The following NBAS variants were observed in gnomAD, a reference collection of about 807,000 sequenced individuals.
NBAS encodes NBAS subunit of NRZ tethering complex, also known as NAG/BC035112 fusion.
NBAS carries 219 observed loss-of-function variants against 302.5 expected under a neutral mutation model. That is an observed-to-expected ratio of 0.72 (90% CI 0.65 to 0.81). The LOEUF (loss-of-function observed/expected upper bound fraction) is 0.81. NBAS is among the 30% of genes least tolerant of loss of function. The pLI is 0.00. For missense variants in NBAS, 2,932 were observed against 2,841.6 expected, an observed-to-expected ratio of 1.03 and a Z score of -0.72; for synonymous variants, 1,118 against 1,021.6, an observed-to-expected ratio of 1.09 and a Z score of -1.80.
At chr2:14,919,840 T>A in the NBAS span, among the ~76,000 whole-genome samples, 1 of 152,200 alleles carries the variant, frequency 6.6e-6, no homozygotes, top group East Asian at 1.9e-4. Context: ...TTCTTGTTAT[T>A]TCTACCATAT....
chr2:15,289,983 G>A (rs560358583), intron 41 of NBAS, among the ~76,000 whole-genome samples: 42 of 151,294 alleles, frequency 2.8e-4, no homozygotes, highest in South Asian at 8.4e-4. Context: ...GCGCCAGAGC[G>A]AGACTCCATC....
At chr2:15,455,416 TAAG>T (rs941551488) in intron 21 of NBAS, among the ~76,000 whole-genome samples, 1 of 152,094 alleles carries the variant, frequency 6.6e-6, no homozygotes, top group Non-Finnish European at 1.5e-5. Context: ...TATGGTTATA[TAAG>T]AAGAAGAAAA....
chr2:15,406,269 T>C (rs1173282055), intron 25 of NBAS, among the ~76,000 whole-genome samples: 1 of 152,110 alleles, frequency 6.6e-6, no homozygotes, highest in Admixed American at 6.6e-5. Flanking sequence ...TAAACCCATG[T>C]ACAGATGGAA....
chr2:15,295,873 T>C (rs1670526786), intron 40 of NBAS, among the ~76,000 whole-genome samples: 1 of 152,048 alleles, frequency 6.6e-6, no homozygotes, highest in Admixed American at 6.6e-5. Context: ...CCTATCTATT[T>C]CCTCACTTAT....
chr2:14,788,522 T>C, the NBAS span, among the ~76,000 whole-genome samples: 10 of 152,258 alleles, frequency 6.6e-5, no homozygotes, highest in East Asian at 1.9e-3. Context: ...TTTCTGTTTG[T>C]TAGTTTTCCT....
chr2:15,443,454 C>T (rs542553992), intron 21 of NBAS, among the ~76,000 whole-genome samples: 1 of 151,928 alleles, frequency 6.6e-6, no homozygotes, highest in African/African-American at 2.4e-5. Context: ...ATTCAACAAC[C>T]CTTCATGCTA....
intron 47 of NBAS, among the ~76,000 whole-genome samples, chr2:15,223,588 T>C (rs951643043): frequency 2.6e-5 from 4 of 152,060 alleles, no homozygotes; most frequent in Admixed American, 1.3e-4. Context: ...AAATACACTT[T>C]GGGAGGCTGA....
the NBAS span, among the ~76,000 whole-genome samples, chr2:15,102,628 A>C: frequency 2.0e-5 from 3 of 152,150 alleles, no homozygotes; most frequent in African/African-American, 7.2e-5. Flanking sequence ...GATTAAGACA[A>C]AGAGAATCTG....
chr2:15,426,964 A>T (rs1171109478), intron 22 of NBAS, among the ~76,000 whole-genome samples: 1 of 152,160 alleles, frequency 6.6e-6, no homozygotes, highest in Non-Finnish European at 1.5e-5. Context: ...CTTGGGGAAT[A>T]TGCCTGCATC....
At chr2:14,898,269 G>C in the NBAS span, among the ~76,000 whole-genome samples, 11 of 152,128 alleles carry the variant, frequency 7.2e-5, no homozygotes, top group Non-Finnish European at 1.2e-4. Context: ...TCCTTGAAAA[G>C]GTGAAAAATA....
At chr2:15,352,851 T>C (rs1399554975) in intron 34 of NBAS, among the ~76,000 whole-genome samples, 3 of 152,070 alleles carry the variant, frequency 2.0e-5, no homozygotes, top group Admixed American at 1.3e-4. Context: ...TTTTTTTCTA[T>C]CTATAGGGAA....
chr2:15,455,911 T>C (rs1322229054), intron 21 of NBAS, among the ~76,000 whole-genome samples: 2 of 152,202 alleles, frequency 1.3e-5, no homozygotes. Flanking sequence ...CTTTCTGAAA[T>C]ATGCTATAGG....
At chr2:14,967,649 AG>A in the NBAS span, among the ~76,000 whole-genome samples, 1 of 152,220 alleles carries the variant, frequency 6.6e-6, no homozygotes, top group Non-Finnish European at 1.5e-5. Context: ...GCCTTGGGTT[AG>A]GGAAAGGTCT....
the NBAS span, among the ~76,000 whole-genome samples, chr2:15,095,118 G>A: frequency 1.3e-5 from 2 of 152,094 alleles, no homozygotes; most frequent in Non-Finnish European, 2.9e-5. Context: ...ATGCATAGGA[G>A]GTGGCCCTGC....
the NBAS span, among the ~76,000 whole-genome samples, chr2:14,953,229 G>A: frequency 6.6e-6 from 1 of 152,162 alleles, no homozygotes; most frequent in African/African-American, 2.4e-5. Context: ...TGGAGGGAGA[G>A]ACAGAGCACC....
At chr2:15,472,911 CA>C (rs2148583033) in intron 16 of NBAS, among the ~76,000 whole-genome samples, 1 of 152,300 alleles carries the variant, frequency 6.6e-6, no homozygotes, top group South Asian at 2.1e-4. Flanking sequence ...TGATTTCTGG[CA>C]TCTGACTAGC....
At chr2:15,435,136 T>C (rs1321356138) in intron 21 of NBAS, among the ~76,000 whole-genome samples, 1 of 152,240 alleles carries the variant, frequency 6.6e-6, no homozygotes, top group Non-Finnish European at 1.5e-5. Flanking sequence ...ATTGTATCAG[T>C]GTTCATTATA....
the NBAS span, among the ~76,000 whole-genome samples, chr2:15,010,293 T>TA: frequency 6.6e-6 from 1 of 152,058 alleles, no homozygotes; most frequent in Admixed American, 6.5e-5. Context: ...TTCTACAGCC[T>TA]AAAAAAATTA....
intron 1 of NBAS, among the ~76,000 whole-genome samples, chr2:15,560,019 G>A (rs932381005): frequency 2.6e-5 from 4 of 152,150 alleles, no homozygotes; most frequent in Non-Finnish European, 5.9e-5. Flanking sequence ...ACAAACTGCA[G>A]TGGGAAGGAG....
Sources: allele counts gnomAD v4.1 joint callset (sites outside exome capture counted in the v4.1 genomes callset), GRCh38; gene constraint gnomAD v4.1.1; transcripts MANE v1.5; gene names NCBI Gene and HGNC (gene_info 2026-07-23, HGNC 2026-07-21).